The following IRAG2 variants were observed in gnomAD, a reference collection of about 807,000 sequenced individuals.
The protein encoded by IRAG2 is lymphoid restricted membrane protein.
IRAG2 carries 45 observed loss-of-function variants against 69.9 expected under a neutral mutation model. The ratio of observed to expected loss-of-function variants is 0.64; its 90% CI spans 0.51 to 0.83. The LOEUF (loss-of-function observed/expected upper bound fraction) is 0.83, where lower values mean the gene tolerates loss of function less well. Ranked by LOEUF, IRAG2 falls within the 40% of genes least tolerant of loss-of-function variation. IRAG2 has a pLI of 0.00. For missense variants in IRAG2, 520 were observed against 587.0 expected (o/e 0.89, Z 1.18); for synonymous variants, 193 against 202.4 (o/e 0.95, Z 0.40).
intron 14 of IRAG2, chr12:25,091,137 C>T (rs1047625541): frequency 4.1e-5 from 7 of 169,196 alleles, no homozygotes; most frequent in Non-Finnish European, 7.6e-5. Context: ...TATTTTTTAC[C>T]GTGATAAAAT....
intron 5 of IRAG2, among the ~76,000 whole-genome samples, chr12:25,067,370 A>T (rs920510469): frequency 6.6e-6 from 1 of 152,094 alleles, no homozygotes; most frequent in African/African-American, 2.4e-5. Context: ...TCACTTCTCC[A>T]GCCGACATGA....
At chr12:25,010,476 C>A (rs1281916920) in intron 2 of IRAG2, among the ~76,000 whole-genome samples, 23 of 149,102 alleles carry the variant, frequency 1.5e-4, no homozygotes, top group African/African-American at 4.0e-4. Context: ...AAAAAACAAA[C>A]AAAAAAAAAA....
intron 5 of IRAG2, among the ~76,000 whole-genome samples, chr12:25,068,183 C>T (rs1206012795): frequency 3.3e-5 from 5 of 152,174 alleles, no homozygotes; most frequent in African/African-American, 1.2e-4. Flanking sequence ...GTTGCCCAGG[C>T]TGGTCTTGAA....
intron 15 of IRAG2, chr12:25,100,744 A>G (rs906077009): frequency 2.0e-5 from 3 of 152,824 alleles, no homozygotes; most frequent in African/African-American, 7.2e-5. Context: ...TAGATATCCA[A>G]CTGTATGTAG....
intron 1 of IRAG2, among the ~76,000 whole-genome samples, chr12:25,053,655 C>G (rs1945014390): frequency 6.6e-6 from 1 of 151,722 alleles, no homozygotes; most frequent in African/African-American, 2.4e-5. Flanking sequence ...AAAAATAAAC[C>G]TTACTTATTT....
rs1345511192 is a variant in IRAG2 at position 25,069,038 on chromosome 12, A to AT, written c.-58-311dup. On this transcript the variant is annotated intron_variant, in intron 5 of 21. Transcript: ENST00000556887. ...CATCTTCCTTAGGAAACATTAAAAA[A>AT]TGTCAGTGCATTTTGTGAGGGCCTA... Among the ~76,000 whole-genome samples the AT allele has an allele frequency of 5.3e-5, 8 of 152,196 alleles. No individual in the cohort carries two copies. In the East Asian group the frequency reaches 1.5e-3, roughly 29 times the overall value.
exon 6 of IRAG2, chr12:25,017,147 T>C: frequency 8.1e-7 from 1 of 1,232,112 alleles, no homozygotes; most frequent in Non-Finnish European, 1.0e-6. Context: ...GGTGTCTGAT[T>C]TGATTGCCTA....
chr12:25,054,877 T>A (rs1277953286), intron 1 of IRAG2, among the ~76,000 whole-genome samples: 3 of 152,200 alleles, frequency 2.0e-5, no homozygotes, highest in Non-Finnish European at 4.4e-5. Flanking sequence ...ATATAGCAGA[T>A]GTTCCAGATA....
In IRAG2 at chr12:25,083,499, G is replaced by T. The variant is rs760757721; in HGVS notation, c.315+6G>T. On this transcript the variant is annotated splice_donor_region_variant and intron_variant, in intron 10 of 21. Coordinates refer to ENST00000556887, the MANE Select transcript of IRAG2 (RefSeq NM_001366544.2). Reference sequence around the variant, plus strand: ...ATAAAACCATATTAAATCTGGTAAGGAAATACGTATGTTCACAACAAAGGT... The same window carrying T: ...ATAAAACCATATTAAATCTGGTAAGTAAATACGTATGTTCACAACAAAGGT... The T allele has an allele frequency of 1.8e-5, 28 of 1,559,864 alleles. No individual in the cohort carries two copies. Among genetic ancestry groups the T allele is most frequent in the Non-Finnish European group, 2.3e-5 (26 of 1,131,320 alleles).
At chr12:25,083,109 T>C (rs1947335387) in intron 9 of IRAG2, among the ~76,000 whole-genome samples, 4 of 152,170 alleles carry the variant, frequency 2.6e-5, no homozygotes, top group Admixed American at 2.0e-4. Context: ...CGCCCTCCAC[T>C]TTCTATTATT....
chr12:25,039,892 G>A (rs911349231), intron 16 of IRAG2, among the ~76,000 whole-genome samples: 2 of 152,174 alleles, frequency 1.3e-5, no homozygotes, highest in African/African-American at 2.4e-5. Context: ...CAGATGTAGT[G>A]CTAAGAATCT....
chr12:25,005,855 CA>C (rs1321135714), intron 2 of IRAG2, among the ~76,000 whole-genome samples: 2 of 151,926 alleles, frequency 1.3e-5, no homozygotes, highest in East Asian at 3.9e-4. Flanking sequence ...AATAAGTTCC[CA>C]AAAGCAATTG....
rs963227865 is a variant in IRAG2 at position 25,107,034 on chromosome 12, T to C, written c.1240T>C (p.Trp414Arg). ...TGAAAAGAAAAATAATCCATCAAAG[T>C]GGGATGTCTCTTCAGTGTAAGTTAT... ...LSEKKNNPSKWDVSSVYDTIA... is the reference protein window; with the variant it reads ...LSEKKNNPSKRDVSSVYDTIA... The change falls in exon 21 of 22, where the codon TGG becomes CGG. Residue 414 changes from tryptophan to arginine, a missense_variant. Coordinates refer to ENST00000556887, the MANE Select transcript of IRAG2 (RefSeq NM_001366544.2). The C allele has an allele frequency of 1.9e-6, 3 of 1,594,638 alleles. No individual in the cohort carries two copies. In the African/African-American group the frequency reaches 4.0e-5, roughly 22 times the overall value.
intron 14 of IRAG2, among the ~76,000 whole-genome samples, chr12:25,092,466 G>A (rs566317621): frequency 1.3e-5 from 2 of 151,634 alleles, no homozygotes; most frequent in East Asian, 3.9e-4. Context: ...TTGGGAGGCT[G>A]AGGCAGGAGA....
Position 25,104,075 on chromosome 12 carries a change from G to T in IRAG2, c.1046+17G>T, listed in dbSNP as rs1948900077. 4 of 1,610,732 alleles carry T rather than the reference G, an allele frequency of 2.5e-6. No individual in the cohort carries two copies. Among genetic ancestry groups the T allele is most frequent in the Middle Eastern group, 1.8e-4 (1 of 5,622 alleles). ...AAGCAGTTGGTAAGTGTAATTTTAT[G>T]GTTCCTCTTTGGGAACCTTACTATT... is the stretch of plus-strand genomic sequence containing the variant. On this transcript the variant is annotated intron_variant, in intron 19 of 21. Transcript: ENST00000556887.
intron 16 of IRAG2, among the ~76,000 whole-genome samples, chr12:25,039,262 T>C (rs893214692): frequency 6.6e-6 from 1 of 152,038 alleles, no homozygotes; most frequent in Admixed American, 6.5e-5. Flanking sequence ...CCCCCAAATA[T>C]AAGGAAACTA....
Position 25,063,816 on chromosome 12 carries a change from G to A in IRAG2, c.-207G>A, listed in dbSNP as rs1296024569. ...TACGTGCTGGTACACACCTCTGCTG[G>A]GTAAGCCCCCCTTCTATACCTGCTC... On this transcript the variant is annotated splice_region_variant and 5_prime_UTR_variant, in exon 4 of 22. Transcript: ENST00000556887. The A allele has an allele frequency of 2.0e-5, 8 of 398,860 alleles. No homozygotes were observed. The highest frequency in any genetic ancestry group is 2.7e-5 in the Non-Finnish European group (6 of 226,056). The allele number at this position is 398,860 out of a possible 1,614,324, so 24.7% of individuals were successfully genotyped here. A position where few individuals can be genotyped will look rare whatever the true frequency, so the allele number is the denominator to read the frequency against.
chr12:25,058,563 G>A (rs1477983569), intron 1 of IRAG2, among the ~76,000 whole-genome samples: 1 of 152,106 alleles, frequency 6.6e-6, no homozygotes, highest in Admixed American at 6.6e-5. Flanking sequence ...TTCCAGTATA[G>A]ATAGTATTAT....
In IRAG2 at chr12:25,103,563, T is replaced by C. The variant is rs1948872970; in HGVS notation, c.934-274T>C. 1.4e-5 allele frequency: 5 copies of C among 357,522 alleles called. No homozygotes were observed. In the South Asian group the frequency reaches 2.7e-4, roughly 19 times the overall value. The allele number at this position is 357,522 out of a possible 1,614,324, so 22.1% of individuals were successfully genotyped here. ...TTAACATAAAAAGAAATGTTCAATG[T>C]TTCTAGAAGACAAATAATTACAAAC... On this transcript the variant is annotated intron_variant, in intron 17 of 21. Coordinates refer to ENST00000556887, the MANE Select transcript of IRAG2 (RefSeq NM_001366544.2).
Sources: gnomAD v4.1 joint callset for allele counts (sites outside exome capture counted in the v4.1 genomes callset) on GRCh38, gnomAD v4.1.1 for gene constraint, MANE v1.5 for transcripts, NCBI Gene and HGNC (gene_info 2026-07-23, HGNC 2026-07-21) for gene names.